The following ARMC8 variants were observed in gnomAD, a reference collection of about 807,000 sequenced individuals.
ARMC8 encodes the protein armadillo repeat containing 8.
A neutral mutation model predicts 99.3 loss-of-function variants in ARMC8; 20 were observed. That is an observed-to-expected ratio of 0.20 (90% CI 0.14 to 0.29). The LOEUF (loss-of-function observed/expected upper bound fraction) is 0.29. Among genes scored for constraint, ARMC8 ranks in the 10% least tolerant of loss-of-function variants. ARMC8 has a pLI of 1.00. For synonymous variants in ARMC8, 263 were observed against 278.3 expected, an observed-to-expected ratio of 0.95 and a Z score of 0.55; for missense variants, 569 against 809.5, an observed-to-expected ratio of 0.70 and a Z score of 3.60.
chr3:138,241,905 A>C lies in ARMC8; in HGVS notation c.960A>C (p.Ile320=). 6.2e-7 allele frequency: 1 copy of C among 1,614,088 alleles called. No individual in the cohort carries two copies. The highest frequency in any genetic ancestry group is 8.5e-7 in the Non-Finnish European group (1 of 1,179,980). ...PDVELQRIAS[I]TDHLIAMLAD... The stretch of plus-strand genomic sequence containing the variant: ...TTGAGCTACAGAGAATCGCTAGCAT[A>C]ACTGATCACCTCATTGCCATGCTTG... Residue 320 remains isoleucine, a synonymous_variant, in exon 11 of 22, where the codon ATA becomes ATC. Transcript: ENST00000469044.
intron 2 of ARMC8, among the ~76,000 whole-genome samples, chr3:138,221,150 A>C (rs1259197024): frequency 6.6e-6 from 1 of 152,228 alleles, no homozygotes; most frequent in Admixed American, 6.5e-5. Context: ...CTGGTGAAGT[A>C]TAGAGCTCTG....
At chr3:138,256,659 C>G (rs747909286) in intron 12 of ARMC8, among the ~76,000 whole-genome samples, 57 of 152,094 alleles carry the variant, frequency 3.7e-4, no homozygotes, top group Non-Finnish European at 6.8e-4. Flanking sequence ...ATCTGCCCGC[C>G]TCGGCCTCCC....
chr3:138,279,698 A>G (rs769864527), intron 18 of ARMC8, among the ~76,000 whole-genome samples: 5 of 152,184 alleles, frequency 3.3e-5, no homozygotes, highest in Admixed American at 6.5e-5. Context: ...GTGTTTAACT[A>G]CAAATTCAGA....
At chr3:138,271,423 C>T (rs2048774903) in intron 16 of ARMC8, among the ~76,000 whole-genome samples, 1 of 152,132 alleles carries the variant, frequency 6.6e-6, no homozygotes, top group Non-Finnish European at 1.5e-5. Context: ...TCTACATATC[C>T]AGATGTAACT....
chr3:138,245,038 A>G (rs774520106), intron 11 of ARMC8, 50 bp from the exon 12 acceptor site: 3 of 1,576,874 alleles, frequency 1.9e-6, no homozygotes, highest in Admixed American at 3.6e-5. Context: ...AATGTTATTG[A>G]AAGTTGAATT....
At chr3:138,236,748 A>C (rs2046353491) in intron 7 of ARMC8, among the ~76,000 whole-genome samples, 2 of 152,136 alleles carry the variant, frequency 1.3e-5, no homozygotes, top group African/African-American at 4.8e-5. Flanking sequence ...AAAAAAAAAA[A>C]ACATCTCTTA....
At chr3:138,222,998 C>G (rs960817550) in intron 3 of ARMC8, among the ~76,000 whole-genome samples, 10 of 152,174 alleles carry the variant, frequency 6.6e-5, no homozygotes, top group African/African-American at 2.4e-5. Flanking sequence ...CACCACTGCT[C>G]TGGATTCAGA....
intron 16 of ARMC8, among the ~76,000 whole-genome samples, chr3:138,270,618 GAT>G (rs1309898212): frequency 6.6e-6 from 1 of 152,094 alleles, no homozygotes; most frequent in African/African-American, 2.4e-5. Flanking sequence ...TGTTTTGAAA[GAT>G]AAATAGATTG....
chr3:138,245,123 C>T lies in ARMC8; in HGVS notation c.1074C>T (p.Arg358=), dbSNP rs2046823110. 6.2e-7 allele frequency: 1 copy of T among 1,614,038 alleles called. No individual in the cohort carries two copies. The highest frequency in any genetic ancestry group is 8.5e-7 in the Non-Finnish European group (1 of 1,180,016). The part of the protein sequence containing the change: ...DHDLKHAHEL[R]QAAFKLYASL... ...ATTTAAAACATGCTCACGAACTCCG[C>T]CAGGCTGCATTCAAGCTCTATGCCT... Residue 358 remains arginine, a synonymous_variant, in exon 12 of 22, where the codon CGC becomes CGT. Coordinates refer to ENST00000469044, the MANE Select transcript of ARMC8 (RefSeq NM_001363941.2).
chr3:138,235,246 C>T (rs941225123), intron 7 of ARMC8, 132 bp downstream of exon 7: 3 of 593,086 alleles, frequency 5.1e-6, no homozygotes, highest in Non-Finnish European at 5.7e-6. Flanking sequence ...TGTTATAGGG[C>T]ATCATTTTAG....
intron 21 of ARMC8, among the ~76,000 whole-genome samples, chr3:138,291,127 C>T (rs994954617): frequency 4.6e-5 from 7 of 152,228 alleles, no homozygotes; most frequent in African/African-American, 1.4e-4. Context: ...CAGCTAACCT[C>T]AAAATAGCCA....
At chr3:138,223,210 TC>T (rs1002638952) in intron 3 of ARMC8, among the ~76,000 whole-genome samples, 178 bp from the exon 4 acceptor site, 2 of 152,186 alleles carry the variant, frequency 1.3e-5, no homozygotes, top group African/African-American at 4.8e-5. Context: ...CAAAACCTCT[TC>T]TAGATTTTTT....
intron 2 of ARMC8, among the ~76,000 whole-genome samples, 192 bp from the exon 3 acceptor site, chr3:138,221,734 T>C (rs2045407255): frequency 6.6e-6 from 1 of 152,180 alleles, no homozygotes; most frequent in South Asian, 2.1e-4. Context: ...TCTCACTTTC[T>C]ACAATACGCC....
intron 6 of ARMC8, among the ~76,000 whole-genome samples, chr3:138,230,379 A>C (rs1228621142): frequency 6.6e-6 from 1 of 152,160 alleles, no homozygotes; most frequent in East Asian, 1.9e-4. Context: ...GGCTGGGTGC[A>C]GTGGCTCACA....
At chr3:138,284,652 TC>T in intron 19 of ARMC8, 126 bp downstream of exon 19, 1 of 684,288 alleles carries the variant, frequency 1.5e-6, no homozygotes, top group East Asian at 2.6e-5. Flanking sequence ...CTCCTCAGAT[TC>T]AAAGAACTCT....
chr3:138,227,525 G>A (rs1277267730), intron 5 of ARMC8, among the ~76,000 whole-genome samples: 2 of 152,090 alleles, frequency 1.3e-5, no homozygotes, highest in Non-Finnish European at 2.9e-5. Context: ...TAAACTACTT[G>A]TGTAAACACA....
At chr3:138,260,099 C>G (rs969023999) in intron 12 of ARMC8, among the ~76,000 whole-genome samples, 1 of 152,192 alleles carries the variant, frequency 6.6e-6, no homozygotes, top group Non-Finnish European at 1.5e-5. Context: ...CAAAACCATG[C>G]CTGTCACTCT....
chr3:138,227,652 CA>C (rs2108102890), intron 5 of ARMC8, among the ~76,000 whole-genome samples: 1 of 152,282 alleles, frequency 6.6e-6, no homozygotes, highest in East Asian at 1.9e-4. Flanking sequence ...AGGAAAATCC[CA>C]AATCTTATTC....
chr3:138,204,045 T>A (rs1176046000), intron 1 of ARMC8, among the ~76,000 whole-genome samples: 1 of 152,218 alleles, frequency 6.6e-6, no homozygotes, highest in Non-Finnish European at 1.5e-5. Context: ...CACTCACATT[T>A]CTTCCTCTAT....
Sources: allele counts gnomAD v4.1 joint callset (sites outside exome capture counted in the v4.1 genomes callset), GRCh38; gene constraint gnomAD v4.1.1; transcripts MANE v1.5; gene names NCBI Gene and HGNC (gene_info 2026-07-23, HGNC 2026-07-21).